The following PKHD1 variants were observed in gnomAD, a reference collection of about 807,000 sequenced individuals.
PKHD1 encodes the protein fibrocystin.
A neutral mutation model predicts 412.0 loss-of-function variants in PKHD1; 291 were observed. The ratio of observed to expected loss-of-function variants is 0.71; its 90% CI spans 0.64 to 0.78. The LOEUF is 0.78. Among genes scored for constraint, PKHD1 ranks in the 30% least tolerant of loss-of-function variants. The probability of loss-of-function intolerance (pLI) is 0.00; values close to 1 mark genes in which losing one functional copy is unlikely to be tolerated. For missense variants in PKHD1, 4,825 were observed against 4,950.7 expected (o/e 0.97, Z 0.76); for synonymous variants, 1,777 against 1,821.5 (o/e 0.98, Z 0.62).
chr6:52,084,959 A>G lies in PKHD1; in HGVS notation c.-26T>C, dbSNP rs372931301. The G allele has an allele frequency of 7.3e-6, 11 of 1,496,916 alleles. No homozygotes were observed. The Admixed American group carries it at 8.4e-5, about 11-fold the overall frequency. 92.7% of individuals were successfully genotyped at this position (1,496,916 alleles called of 1,614,324 possible). ...TCTGTCCACTTAAATCAATACTCTT[A>G]AGATTGCTCAGACATTAAAAGCATT... On this transcript the variant is annotated 5_prime_UTR_variant, in exon 2 of 67. An upstream open reading frame in the 5' UTR loses its in-frame stop. Coordinates refer to ENST00000371117, the MANE Select transcript of PKHD1 (RefSeq NM_138694.4).
chr6:51,618,791 T>C lies in PKHD1; in HGVS notation c.*290A>G. On this transcript the variant is annotated 3_prime_UTR_variant, in exon 67 of 67. Transcript: ENST00000371117. The stretch of plus-strand genomic sequence containing the variant: ...GGTATAAGTCAGTATTACACCATTA[T>C]CAAGTTGTTAAAATCAGGCTTAAGT... 2.3e-6 allele frequency: 1 copy of C among 443,584 alleles called. No homozygotes were observed. The highest frequency in any genetic ancestry group is 3.5e-5 in the Admixed American group (1 of 28,974). 27.5% of individuals were successfully genotyped at this position (443,584 alleles called of 1,614,324 possible). A position where few individuals can be genotyped will look rare whatever the true frequency, so the allele number is the denominator to read the frequency against.
At chr6:51,947,629 C>T (rs1266908) in intron 36 of PKHD1, among the ~76,000 whole-genome samples, 45,215 of 151,968 alleles carry the variant, frequency 0.3, 7,054 homozygotes, top group African/African-American at 0.33. Context: ...GCCTCTTCTG[C>T]CTGATTCCTC....
intron 60 of PKHD1, among the ~76,000 whole-genome samples, chr6:51,728,584 C>A (rs1028509357): frequency 2.0e-5 from 3 of 152,194 alleles, no homozygotes; most frequent in African/African-American, 7.2e-5. Context: ...GGAACTGAAT[C>A]TGGCCAAGAA....
chr6:51,798,391 A>G (rs1282719563), intron 52 of PKHD1, among the ~76,000 whole-genome samples: 1 of 152,126 alleles, frequency 6.6e-6, no homozygotes, highest in Non-Finnish European at 1.5e-5. Flanking sequence ...AAAAATAAGA[A>G]AGAAAGAAAA....
At chr6:51,771,670 A>G (rs1244807156) in intron 55 of PKHD1, among the ~76,000 whole-genome samples, 4 of 151,906 alleles carry the variant, frequency 2.6e-5, no homozygotes, top group Non-Finnish European at 5.9e-5. Context: ...ACACTATAAT[A>G]TTTAAATTAT....
Position 52,024,988 on chromosome 6 carries a change from T to C in PKHD1, c.4822A>G (p.Ile1608Val). The C allele has an allele frequency of 1.2e-6, 2 of 1,614,212 alleles. No individual in the cohort carries two copies. The highest frequency in any genetic ancestry group is 4.5e-5 in the East Asian group (2 of 44,884). The part of the protein sequence containing the change: ...LRGQNTTSVY[I>V]DQQTCLTVNI... ...ACCGTCAGGCAGGTCTGCTGGTCAA[T>C]ATAGACTGACGTGGTGTTCTGTCCT... The change falls in exon 32 of 67, where the codon ATT becomes GTT. Residue 1608 changes from isoleucine (I) to valine (V), a missense_variant. Transcript: ENST00000371117.
chr6:51,790,309 T>C (rs1470582421), intron 53 of PKHD1, among the ~76,000 whole-genome samples: 2 of 152,184 alleles, frequency 1.3e-5, no homozygotes, highest in Admixed American at 1.3e-4. Context: ...TACCTATTGC[T>C]TACAACAGTT....
At position 51,764,642 on chromosome 6, in the gene PKHD1, T is replaced by C. The variant is rs1788666696; in HGVS notation, c.8642+8060A>G. Among the ~76,000 whole-genome samples, 3 of 151,804 alleles carry C rather than the reference T, an allele frequency of 2.0e-5. No individual in the cohort carries two copies. The South Asian group carries it at 6.2e-4, about 32-fold the overall frequency. On this transcript the variant is annotated intron_variant, in intron 55 of 66. Coordinates refer to ENST00000371117, the MANE Select transcript of PKHD1 (RefSeq NM_138694.4). ...ATGTTTATTGCGGCATTATTCACAATAGCAAAGACTTGGAACCAACCCAAA... is the reference window on the plus strand; with the variant it reads ...ATGTTTATTGCGGCATTATTCACAACAGCAAAGACTTGGAACCAACCCAAA...
In PKHD1 at chr6:51,831,384, T is replaced by C. The variant is rs140207907; in HGVS notation, c.8174-395A>G. 2.8e-3 allele frequency among the ~76,000 whole-genome samples: 427 copies of C among 152,240 alleles called. 4 individuals are homozygous for C. Among genetic ancestry groups the C allele is most frequent in the African/African-American group, 9.7e-3 (402 of 41,570 alleles). On this transcript the variant is annotated intron_variant, in intron 51 of 66. Transcript: ENST00000371117. ...ATAATTGAGATTATATCAAATCCTG[T>C]TCTTATTTTTTACACCCAGTTCTAC...
At chr6:51,718,126 T>C (rs1011550067) in intron 60 of PKHD1, among the ~76,000 whole-genome samples, 8 of 152,240 alleles carry the variant, frequency 5.3e-5, no homozygotes, top group Non-Finnish European at 1.2e-4. Context: ...AATTTTTTAA[T>C]ATACGTAATG....
At chr6:51,785,480 TTTTA>T (rs1322880898) in intron 53 of PKHD1, among the ~76,000 whole-genome samples, 7 of 152,216 alleles carry the variant, frequency 4.6e-5, no homozygotes, top group African/African-American at 1.7e-4. Flanking sequence ...AGTGTTGCAT[TTTTA>T]TTTGTTTTAC....
At chr6:52,014,990 A>G (rs974791578) in intron 34 of PKHD1, among the ~76,000 whole-genome samples, 8 of 152,198 alleles carry the variant, frequency 5.3e-5, no homozygotes, top group Admixed American at 3.3e-4. Flanking sequence ...TCAGTACTCC[A>G]ACCACCTAGA....
chr6:51,753,170 G>A, intron 57 of PKHD1, 31 bp downstream of exon 57: 2 of 1,603,982 alleles, frequency 1.2e-6, no homozygotes, highest in Non-Finnish European at 1.7e-6. Flanking sequence ...GCTCCAACTG[G>A]TAATGGCCAA....
intron 43 of PKHD1, among the ~76,000 whole-genome samples, chr6:51,891,167 G>C (rs900050441): frequency 6.6e-6 from 1 of 152,142 alleles, no homozygotes; most frequent in Admixed American, 6.5e-5. Flanking sequence ...CTTAGACTAA[G>C]TAAACTCATT....
Position 52,025,295 on chromosome 6 carries a change from C to A in PKHD1, c.4515G>T (p.Arg1505Ser), listed in dbSNP as rs372696207. 2 of 1,613,880 alleles carry A rather than the reference C, an allele frequency of 1.2e-6. No homozygotes were observed. Residue 1505 changes from arginine to serine, a missense_variant, in exon 32 of 67, where the codon AGG (arginine) becomes AGT (serine). By Grantham distance (110) the Arg-to-Ser change is moderately radical. Coordinates refer to ENST00000371117, the MANE Select transcript of PKHD1 (RefSeq NM_138694.4). ...CAGCTGTGGTGGCTAACCTCTGACC[C>A]CTAATCAGCACAGTGGTCAGAGACC... is the stretch of plus-strand genomic sequence containing the variant. ...TSGSLTTVLIRGQRLATTADE... is the reference protein window; with the variant it reads ...TSGSLTTVLISGQRLATTADE...
At position 51,635,242 on chromosome 6, in the gene PKHD1, C is replaced by T. The variant is rs185402056; in HGVS notation, c.11507-2519G>A. On this transcript the variant is annotated intron_variant, in intron 64 of 66. Transcript: ENST00000371117. ...ACCCCGCACAGCCTAGGGGGAGATT[C>T]TAAACTGAGAAGTGACATGAGCCAC... Among the ~76,000 whole-genome samples, 117 of 152,140 alleles carry T rather than the reference C, an allele frequency of 7.7e-4. 2 individuals carry two copies. Among genetic ancestry groups the T allele is most frequent in the African/African-American group, 2.6e-3 (108 of 41,496 alleles).
intron 60 of PKHD1, among the ~76,000 whole-genome samples, chr6:51,680,224 A>C (rs1197131243): frequency 6.6e-6 from 1 of 152,026 alleles, no homozygotes; most frequent in African/African-American, 2.4e-5. Flanking sequence ...TGATATTGGC[A>C]GCTAATCTCA....
In PKHD1 at chr6:52,050,508, T is replaced by TA. The variant is rs575038971; in HGVS notation, c.2141-214dup. ...AAAAGGAAAGTGCAAGGTCCTGATT[T>TA]AAGGAGATGAAGATTGATTCCATAG... On this transcript the variant is annotated intron_variant, in intron 21 of 66. Coordinates refer to ENST00000371117, the MANE Select transcript of PKHD1 (RefSeq NM_138694.4). Among the ~76,000 whole-genome samples, 410 of 152,342 alleles carry TA rather than the reference T, an allele frequency of 2.7e-3. 1 individual carries two copies. Among genetic ancestry groups the TA allele is most frequent in the African/African-American group, 9.2e-3 (382 of 41,578 alleles).
chr6:51,774,239 T>C (rs1006846116), intron 54 of PKHD1, among the ~76,000 whole-genome samples: 1 of 152,060 alleles, frequency 6.6e-6, no homozygotes, highest in African/African-American at 2.4e-5. Flanking sequence ...AGATTACAAA[T>C]GATTTAATAC....
Sources: gnomAD v4.1 joint callset for allele counts (sites outside exome capture counted in the v4.1 genomes callset) on GRCh38, gnomAD v4.1.1 for gene constraint, MANE v1.5 for transcripts, NCBI Gene and HGNC (gene_info 2026-07-23, HGNC 2026-07-21) for gene names.